The following KPNA4 variants were observed in gnomAD, a reference collection of about 807,000 sequenced individuals.
KPNA4 encodes karyopherin subunit alpha 4.
Under a neutral mutation model 71.3 loss-of-function variants are expected in KPNA4, and 13 were observed. That is an observed-to-expected ratio of 0.18 (90% confidence interval 0.12 to 0.29). The LOEUF (loss-of-function observed/expected upper bound fraction) is 0.29. Ranked by LOEUF, KPNA4 falls within the 10% of genes least tolerant of loss-of-function variation. KPNA4 has a pLI of 1.00. For missense variants in KPNA4, 334 were observed against 603.2 expected, an observed-to-expected ratio of 0.55 and a Z score of 4.67; for synonymous variants, 189 against 195.2, an observed-to-expected ratio of 0.97 and a Z score of 0.26.
chr3:160,518,118 ATCTAT>A (rs758700310), intron 11 of KPNA4, among the ~76,000 whole-genome samples: 12 of 148,054 alleles, frequency 8.1e-5, no homozygotes, highest in Non-Finnish European at 1.8e-4. Flanking sequence ...TAGGTGTTTG[ATCTAT>A]TCTGAGTTTT....
At position 160,498,195 on chromosome 3, in the gene KPNA4, A is replaced by G. The variant is rs1277913863; in HGVS notation, c.*3909T>C. 6.6e-6 allele frequency: 1 copy of G among 152,176 alleles called. No individual in the cohort carries two copies. Among genetic ancestry groups the G allele is most frequent in the Non-Finnish European group, 1.5e-5 (1 of 68,028 alleles). The allele number at this position is 152,176 out of a possible 1,614,324, so 9.4% of individuals were successfully genotyped here. On this transcript the variant is annotated 3_prime_UTR_variant, in exon 17 of 17. Coordinates refer to ENST00000334256, the MANE Select transcript of KPNA4 (RefSeq NM_002268.5). ...ATTCATGGACTCTTATGAATCCCCTAAAACTGTATGAAAAACTACCATGTA... is the reference window on the plus strand; with the variant it reads ...ATTCATGGACTCTTATGAATCCCCTGAAACTGTATGAAAAACTACCATGTA...
intron 5 of KPNA4, among the ~76,000 whole-genome samples, chr3:160,535,087 T>A (rs1721660432): frequency 6.6e-6 from 1 of 152,162 alleles, no homozygotes; most frequent in Non-Finnish European, 1.5e-5. Flanking sequence ...TAATTCTGGA[T>A]TTATTGTTTG....
chr3:160,503,162 A>G (rs1720917008), intron 16 of KPNA4, among the ~76,000 whole-genome samples: 1 of 152,000 alleles, frequency 6.6e-6, no homozygotes, highest in Non-Finnish European at 1.5e-5. Context: ...AACCCCGGGC[A>G]AGTACATAAA....
chr3:160,533,381 G>A (rs1055603063), intron 5 of KPNA4, among the ~76,000 whole-genome samples: 2 of 150,146 alleles, frequency 1.3e-5, no homozygotes, highest in Non-Finnish European at 1.5e-5. Context: ...AGTTCTTAAA[G>A]AGAAAGAATT....
chr3:160,541,573 A>G (rs1721797337), intron 1 of KPNA4, among the ~76,000 whole-genome samples: 1 of 152,102 alleles, frequency 6.6e-6, no homozygotes, highest in Non-Finnish European at 1.5e-5. Flanking sequence ...AATTTACTAA[A>G]TATCATTGAA....
At position 160,565,223 on chromosome 3, in the gene KPNA4, G is replaced by A. The variant is rs1219659355; in HGVS notation, c.60C>T (p.Arg20=). 8.1e-6 allele frequency: 13 copies of A among 1,608,808 alleles called. No individual in the cohort carries two copies. In the South Asian group the frequency reaches 1.4e-4, roughly 18 times the overall value. ...QRLKNFKNKG[R]DLETMRRQRN... ...TCGTCCCCGAGTTTACCTCCAAGTC[G>A]CGGCCTTTGTTCTTGAAATTCTTGA... The change falls in exon 1 of 17, where the codon CGC becomes CGT. Residue 20 remains arginine (R), a synonymous_variant. Coordinates refer to ENST00000334256, the MANE Select transcript of KPNA4 (RefSeq NM_002268.5).
At chr3:160,564,965 G>A (rs1371000047) in intron 1 of KPNA4, among the ~76,000 whole-genome samples, 1 of 146,940 alleles carries the variant, frequency 6.8e-6, no homozygotes. Flanking sequence ...CCCGCGCCGG[G>A]CCGGCTCCGC....
At chr3:160,538,238 A>G (rs1445638425) in intron 1 of KPNA4, among the ~76,000 whole-genome samples, 2 of 151,768 alleles carry the variant, frequency 1.3e-5, no homozygotes, top group Admixed American at 6.6e-5. Flanking sequence ...TAAAAAAAAG[A>G]GCTGTAAATA....
chr3:160,532,171 T>C (rs2108552489), intron 5 of KPNA4, among the ~76,000 whole-genome samples: 1 of 152,330 alleles, frequency 6.6e-6, no homozygotes, highest in Middle Eastern at 3.4e-3. Context: ...AAAACTAATT[T>C]TTAAAAAATA....
At chr3:160,505,110 A>G in intron 15 of KPNA4, 58 bp from the exon 16 acceptor site, 2 of 894,252 alleles carry the variant, frequency 2.2e-6, no homozygotes, top group South Asian at 2.3e-5. Context: ...GTGACAAGTT[A>G]GAATAATCTT....
chr3:160,536,857 G>A lies in KPNA4; in HGVS notation c.70-17C>T. On this transcript the variant is annotated splice_polypyrimidine_tract_variant and intron_variant, in intron 1 of 16. Transcript: ENST00000334256. ...TCTCATAGTCTACAAAAAAATTAAAGGAAAATATTTTTAAAATCACCTCAA... is the reference window on the plus strand; with the variant it reads ...TCTCATAGTCTACAAAAAAATTAAAAGAAAATATTTTTAAAATCACCTCAA... The A allele has an allele frequency of 1.4e-6, 2 of 1,476,272 alleles. No homozygotes were observed. Among genetic ancestry groups the A allele is most frequent in the Non-Finnish European group, 1.9e-6 (2 of 1,062,114 alleles). The allele number at this position is 1,476,272 out of a possible 1,614,324, so 91.4% of individuals were successfully genotyped here.
intron 1 of KPNA4, among the ~76,000 whole-genome samples, chr3:160,553,411 T>A (rs1722078500): frequency 6.6e-6 from 1 of 152,170 alleles, no homozygotes. Context: ...CTTAGTAATT[T>A]AACATAGAAT....
chr3:160,503,410 A>T (rs1256659606), intron 16 of KPNA4, among the ~76,000 whole-genome samples: 1 of 152,206 alleles, frequency 6.6e-6, no homozygotes, highest in East Asian at 1.9e-4. Flanking sequence ...CAGATGCTCA[A>T]GTGGTAGAAA....
chr3:160,540,745 C>G (rs1721782061), intron 1 of KPNA4, among the ~76,000 whole-genome samples: 2 of 152,138 alleles, frequency 1.3e-5, no homozygotes, highest in Non-Finnish European at 2.9e-5. Flanking sequence ...AATTAGAATT[C>G]CAGAAAGCTG....
chr3:160,499,853 C>T lies in KPNA4; in HGVS notation c.*2251G>A, dbSNP rs1171341002. On this transcript the variant is annotated 3_prime_UTR_variant, in exon 17 of 17. Coordinates refer to ENST00000334256, the MANE Select transcript of KPNA4 (RefSeq NM_002268.5). ...GTACTATGCTTTGTATACAATCCAT[C>T]ATTTGGAGCTATATGTTGAAGATAT... 3 of 152,066 alleles carry T rather than the reference C, an allele frequency of 2.0e-5. No individual in the cohort carries two copies. Among genetic ancestry groups the T allele is most frequent in the Non-Finnish European group, 4.4e-5 (3 of 67,974 alleles). 9.4% of individuals were successfully genotyped at this position (152,066 alleles called of 1,614,324 possible).
intron 1 of KPNA4, among the ~76,000 whole-genome samples, chr3:160,557,293 C>T (rs373372571): frequency 6.6e-4 from 101 of 152,154 alleles, no homozygotes; most frequent in African/African-American, 1.9e-3. Context: ...ATAGGTCTTT[C>T]GGGATAAAAC....
At position 160,501,294 on chromosome 3, in the gene KPNA4, GA is replaced by G. The variant is rs1447272047; in HGVS notation, c.*809del. 1.7e-5 allele frequency: 2 copies of G among 121,178 alleles called. No homozygotes were observed. The highest frequency in any genetic ancestry group is 1.8e-4 in the Admixed American group (2 of 11,228). 7.5% of individuals were successfully genotyped at this position (121,178 alleles called of 1,614,324 possible). A position where few individuals can be genotyped will look rare whatever the true frequency, so the allele number is the denominator to read the frequency against. ...AAATAAAAACTAAAAAAAAAGAAAA[GA>G]AAAGCAAAAAAGAAAAAAAAAAGGA... On this transcript the variant is annotated 3_prime_UTR_variant, in exon 17 of 17. Transcript: ENST00000334256.
At chr3:160,544,864 T>C (rs1479258548) in intron 1 of KPNA4, among the ~76,000 whole-genome samples, 3 of 152,224 alleles carry the variant, frequency 2.0e-5, no homozygotes, top group Non-Finnish European at 4.4e-5. Flanking sequence ...TGAGGAACAT[T>C]TTCCTTCTAT....
At chr3:160,525,338 CACAA>C (rs377745056) in intron 10 of KPNA4, among the ~76,000 whole-genome samples, 293 of 152,036 alleles carry the variant, frequency 1.9e-3, no homozygotes, top group African/African-American at 6.8e-3. Context: ...CAAATCCATG[CACAA>C]ACATTTTCCT....
Sources: gnomAD v4.1 joint callset for allele counts (sites outside exome capture counted in the v4.1 genomes callset) on GRCh38, gnomAD v4.1.1 for gene constraint, MANE v1.5 for transcripts, NCBI Gene and HGNC (gene_info 2026-07-23, HGNC 2026-07-21) for gene names.